RABEP1: variants seen among roughly 807,000 people sequenced by gnomAD.
RABEP1 encodes the protein rab GTPase-binding effector protein 1.
In RABEP1, 51 loss-of-function variants were observed where a neutral mutation model predicts 123.4. That is an observed-to-expected ratio of 0.41 (90% CI 0.33 to 0.52). RABEP1 has a LOEUF of 0.52. Ranked by LOEUF, RABEP1 falls within the 20% of genes least tolerant of loss-of-function variation. The pLI, the probability that RABEP1 is intolerant of heterozygous loss-of-function variation, is 0.16. For missense variants in RABEP1, 888 were observed against 996.3 expected (o/e 0.89, Z 1.46); for synonymous variants, 347 against 355.2 (o/e 0.98, Z 0.26).
intron 2 of RABEP1, among the ~76,000 whole-genome samples, chr17:5,319,044 A>C (rs895224156): frequency 3.9e-5 from 6 of 152,122 alleles, no homozygotes; most frequent in Non-Finnish European, 8.8e-5. Context: ...TCAATTAAAA[A>C]GTTTAGGCCG....
At chr17:5,363,513 C>T (rs531186353) in intron 10 of RABEP1, among the ~76,000 whole-genome samples, 7 of 152,206 alleles carry the variant, frequency 4.6e-5, no homozygotes, top group African/African-American at 9.6e-5. Flanking sequence ...CCACCGCGCT[C>T]GGCCAGGACT....
chr17:5,284,172 T>G (rs577048794), intron 1 of RABEP1: 2 of 152,290 alleles, frequency 1.3e-5, no homozygotes, highest in East Asian at 3.9e-4. Flanking sequence ...ATTCCCTGCC[T>G]CTTTGAAGAT....
chr17:5,320,254 T>A (rs912612195), intron 2 of RABEP1, among the ~76,000 whole-genome samples: 18 of 150,326 alleles, frequency 1.2e-4, no homozygotes, highest in South Asian at 4.2e-4. Flanking sequence ...AAAAAAAAAA[T>A]TTAACATCTA....
chr17:5,302,947 C>CT lies in RABEP1; in HGVS notation c.35-5741dup, dbSNP rs541474231. On this transcript the variant is annotated intron_variant, in intron 1 of 17. Coordinates refer to ENST00000537505, the MANE Select transcript of RABEP1 (RefSeq NM_004703.6). ...TTTTAAGACCATTAAATTATGAATA[C>CT]TTTTTTATGAGCAAATAGATTGAGG... Among the ~76,000 whole-genome samples the CT allele has an allele frequency of 5.7e-4, 86 of 152,066 alleles. 1 individual carries two copies. In the South Asian group the frequency reaches 0.017, roughly 30 times the overall value.
chr17:5,350,147 G>A lies in RABEP1; in HGVS notation c.785-304G>A, dbSNP rs565365300. On this transcript the variant is annotated intron_variant, in intron 6 of 17. Coordinates refer to ENST00000537505, the MANE Select transcript of RABEP1 (RefSeq NM_004703.6). ...TGTAATTCCAGCACTTTGGGAGGCC[G>A]AGACGGGCGGATCATGAGGTCAGGA... Among the ~76,000 whole-genome samples, 12 of 152,258 alleles carry A rather than the reference G, an allele frequency of 7.9e-5. No homozygotes were observed. The South Asian group carries it at 2.3e-3, about 29-fold the overall frequency.
At chr17:5,357,410 C>A (rs1909120732) in intron 8 of RABEP1, among the ~76,000 whole-genome samples, 1 of 152,046 alleles carries the variant, frequency 6.6e-6, no homozygotes, top group African/African-American at 2.4e-5. Flanking sequence ...CTTGCTGTCT[C>A]ACCCTTGCTG....
rs1290711746 is a variant in RABEP1 at position 5,338,029 on chromosome 17, A to G, written c.539A>G (p.Asp180Gly). 3 of 1,612,970 alleles carry G rather than the reference A, an allele frequency of 1.9e-6. No homozygotes were observed. Among genetic ancestry groups the G allele is most frequent in the East Asian group, 2.2e-5 (1 of 44,834 alleles). The change falls in exon 5 of 18, where the codon GAT becomes GGT. Residue 180 changes from aspartate (D) to glycine (G), a missense_variant. Asp to Gly is a moderately conservative substitution (Grantham distance 94, BLOSUM62 -1). Transcript: ENST00000537505. ...TCTTTTTAACCATAGGCCCAAGAGG[A>G]TGCTGAGAAACTTCGGTCCGTTGTG... is the stretch of plus-strand genomic sequence containing the variant. ...LENEMKKAQE[D>G]AEKLRSVVMP...
intron 14 of RABEP1, 62 bp downstream of exon 14, chr17:5,377,367 G>A (rs1196275534): frequency 7.6e-7 from 1 of 1,317,870 alleles, no homozygotes; most frequent in Non-Finnish European, 1.0e-6. Context: ...AGTAAAAGAA[G>A]CAATACATGG....
intron 6 of RABEP1, among the ~76,000 whole-genome samples, chr17:5,349,763 T>C (rs984392824): frequency 6.6e-6 from 1 of 152,104 alleles, no homozygotes; most frequent in Non-Finnish European, 1.5e-5. Context: ...GGCTATATTA[T>C]ATATTACCTT....
At position 5,347,410 on chromosome 17, in the gene RABEP1, AAAACAAACAAACAAACAAAC is replaced by A. The variant is rs72095260; in HGVS notation, c.784+509_784+528del. ...GGGCGACAGAGCGAGACTTCATCTCAAAACAAACAAACAAACAAACAAACAAACAAACAAACAAACAAAAC... is the reference window on the plus strand; with the variant it reads ...GGGCGACAGAGCGAGACTTCATCTCAAAACAAACAAACAAACAAACAAAAC... On this transcript the variant is annotated intron_variant, in intron 6 of 17. Transcript: ENST00000537505. Among the ~76,000 whole-genome samples the A allele has an allele frequency of 3.0e-4, 45 of 150,342 alleles. 1 individual carries two copies. Among genetic ancestry groups the A allele is most frequent in the African/African-American group, 4.2e-4 (17 of 40,722 alleles).
chr17:5,364,710 CAAAAAAAAAA>C (rs200314940), intron 10 of RABEP1, among the ~76,000 whole-genome samples: 1 of 112,622 alleles, frequency 8.9e-6, no homozygotes, highest in African/African-American at 3.3e-5. Flanking sequence ...ACTCTTGTCT[CAAAAAAAAAA>C]AAAAAAAAAT....
chr17:5,356,256 T>C (rs989359487), intron 8 of RABEP1, among the ~76,000 whole-genome samples: 1 of 152,156 alleles, frequency 6.6e-6, no homozygotes, highest in African/African-American at 2.4e-5. Flanking sequence ...CTCAGGTGAC[T>C]GAGGCATGAG....
intron 3 of RABEP1, among the ~76,000 whole-genome samples, chr17:5,334,699 T>C (rs919950245): frequency 1.3e-5 from 2 of 152,176 alleles, no homozygotes; most frequent in Non-Finnish European, 1.5e-5. Context: ...GAGAAAGCGA[T>C]TTTTTTAAAG....
chr17:5,366,255 A>G (rs2144689950), intron 11 of RABEP1, among the ~76,000 whole-genome samples: 1 of 152,158 alleles, frequency 6.6e-6, no homozygotes, highest in South Asian at 2.1e-4. Flanking sequence ...AGCATTTTTC[A>G]TGTTTCTTGG....
chr17:5,361,255 C>G lies in RABEP1; in HGVS notation c.1143C>G (p.Gly381=). The G allele has an allele frequency of 1.2e-6, 2 of 1,614,158 alleles. No individual in the cohort carries two copies. The highest frequency in any genetic ancestry group is 1.7e-6 in the Non-Finnish European group (2 of 1,180,040). Residue 381 remains glycine, a synonymous_variant, in exon 9 of 18, where the codon GGC becomes GGG. Coordinates refer to ENST00000537505, the MANE Select transcript of RABEP1 (RefSeq NM_004703.6). The part of the protein sequence containing the change: ...TRGSVHSLDA[G]LLLPSGDPFS... The stretch of plus-strand genomic sequence containing the variant: ...GCTCAGTTCATTCCTTAGATGCAGG[C>G]TTGCTGTTGCCATCTGGAGATCCTT...
intron 2 of RABEP1, among the ~76,000 whole-genome samples, chr17:5,309,384 TCA>T (rs908871730): frequency 2.0e-5 from 3 of 152,032 alleles, no homozygotes; most frequent in African/African-American, 7.3e-5. Flanking sequence ...GCGCGGTGGC[TCA>T]CACCTGTAAT....
chr17:5,328,900 A>G lies in RABEP1; in HGVS notation c.164-3049A>G, dbSNP rs1012047164. On this transcript the variant is annotated intron_variant, in intron 2 of 17. Transcript: ENST00000537505. ...TGGGCGGCAGAGGTTGCGCCACTGC[A>G]CTCCAGCCTGGGCGACAGAGTGAGA... Among the ~76,000 whole-genome samples the G allele has an allele frequency of 1.8e-4, 28 of 151,380 alleles. 1 individual carries two copies. Among genetic ancestry groups the G allele is most frequent in the Non-Finnish European group, 1.8e-4 (12 of 67,834 alleles).
At chr17:5,362,301 G>A (rs376621568) in intron 9 of RABEP1, among the ~76,000 whole-genome samples, 1 of 152,168 alleles carries the variant, frequency 6.6e-6, no homozygotes, top group South Asian at 2.1e-4. Context: ...AGTGGGGCAT[G>A]GTTATCTCCC....
chr17:5,351,921 C>T (rs1437515113), intron 7 of RABEP1, among the ~76,000 whole-genome samples: 3 of 152,020 alleles, frequency 2.0e-5, no homozygotes, highest in Non-Finnish European at 2.9e-5. Context: ...CTCCTTGTAG[C>T]GTGTATCTAG....
Sources: gnomAD v4.1 joint callset for allele counts (sites outside exome capture counted in the v4.1 genomes callset) on GRCh38, gnomAD v4.1.1 for gene constraint, MANE v1.5 for transcripts, NCBI Gene and HGNC (gene_info 2026-07-23, HGNC 2026-07-21) for gene names.